The following AFF2 variants were observed in gnomAD, a reference collection of about 807,000 sequenced individuals.
AFF2 encodes the protein AF4/FMR2 family member 2.
In AFF2, 14 loss-of-function variants were observed where a neutral mutation model predicts 76.9. The observed-to-expected ratio is 0.18, with a 90% CI of 0.12 to 0.28. The LOEUF (loss-of-function observed/expected upper bound fraction) is 0.28. Among genes scored for constraint, AFF2 ranks in the 10% least tolerant of loss-of-function variants. The pLI, the probability that AFF2 is intolerant of heterozygous loss-of-function variation, is 1.00. For missense variants in AFF2, 868 were observed against 1,001.1 expected (o/e 0.87, Z 1.79); for synonymous variants, 398 against 366.7 (o/e 1.09, Z -0.98).
At chrX:148,984,471 A>G (rs1236189870) in intron 19 of AFF2, among the ~76,000 whole-genome samples, 2 of 112,104 alleles carry the variant, frequency 1.8e-5, no homozygotes, top group Non-Finnish European at 3.8e-5. Context: ...GTTGGAGAGC[A>G]CACTGAAGTG....
rs781984673 is a variant in AFF2 at position 148,991,520 on chromosome X, G to A, written c.*188G>A. The A allele has an allele frequency of 2.9e-5, 12 of 417,097 alleles. No homozygotes were observed. Among genetic ancestry groups the A allele is most frequent in the Admixed American group, 2.2e-4 (4 of 17,858 alleles). 34.4% of individuals were successfully genotyped at this position (417,097 alleles called of 1,213,427 possible). Reference sequence around the variant, plus strand: ...ACACTACAACTTAAGGGCAGTGTACGTTTTATTACTTAGTCATTTTTTTTC... The same window carrying A: ...ACACTACAACTTAAGGGCAGTGTACATTTTATTACTTAGTCATTTTTTTTC... On this transcript the variant is annotated 3_prime_UTR_variant, in exon 21 of 21. Coordinates refer to ENST00000370460, the MANE Select transcript of AFF2 (RefSeq NM_002025.4).
chrX:148,787,443 A>G (rs781970608), intron 3 of AFF2, among the ~76,000 whole-genome samples: 78 of 112,264 alleles, frequency 6.9e-4, no homozygotes, highest in African/African-American at 2.5e-3. Context: ...AAATTTGTCT[A>G]TTAAACTTCA....
chrX:148,580,296 G>T, intron 1 of AFF2, among the ~76,000 whole-genome samples: 1 of 111,374 alleles, frequency 9.0e-6, no homozygotes, highest in Non-Finnish European at 1.9e-5. Context: ...GCTTCTAGGA[G>T]GCTCTTAGGG....
intron 7 of AFF2, among the ~76,000 whole-genome samples, chrX:148,848,619 G>C (rs1007883306): frequency 8.9e-6 from 1 of 112,190 alleles, no homozygotes; most frequent in African/African-American, 3.2e-5. Context: ...ACTGTGTAAT[G>C]GGGCAAGGAA....
chrX:148,870,822 G>A (rs782809815), intron 7 of AFF2, among the ~76,000 whole-genome samples: 1 of 111,852 alleles, frequency 8.9e-6, no homozygotes, highest in South Asian at 3.8e-4. Flanking sequence ...AACTAAGGGG[G>A]CAACTGAATA....
Position 148,761,464 on chromosome X carries a change from T to G in AFF2, c.1042-48412T>G, listed in dbSNP as rs868967976. Among the ~76,000 whole-genome samples the G allele has an allele frequency of 5.9e-3, 571 of 96,908 alleles. 6 individuals carry two copies. Among genetic ancestry groups the G allele is most frequent in the African/African-American group, 0.025 (554 of 22,203 alleles). The allele number at this position is 96,908 out of a possible 115,157, so 84.2% of individuals were successfully genotyped here. On this transcript the variant is annotated intron_variant, in intron 3 of 20. Coordinates refer to ENST00000370460, the MANE Select transcript of AFF2 (RefSeq NM_002025.4). ...ATCACTCAACTGTCCTCCAGTTTTT[T>G]TTGTTTTTTTTTTTTTTTCATAAAA...
intron 3 of AFF2, among the ~76,000 whole-genome samples, chrX:148,671,718 T>C (rs1279715908): frequency 1.8e-5 from 2 of 111,013 alleles, no homozygotes; most frequent in Non-Finnish European, 3.8e-5. Flanking sequence ...AGACTCAAAT[T>C]GGATCTTTTT....
At chrX:148,617,346 G>C (rs1355105126) in intron 1 of AFF2, among the ~76,000 whole-genome samples, 14 of 112,237 alleles carry the variant, frequency 1.2e-4, no homozygotes, top group African/African-American at 4.2e-4. Context: ...ATTTTTTCAT[G>C]TGTTTTTTGG....
chrX:148,822,765 T>G (rs1414995681), intron 4 of AFF2, among the ~76,000 whole-genome samples: 3 of 107,945 alleles, frequency 2.8e-5, no homozygotes, highest in African/African-American at 1.0e-4. Context: ...GTTGCTTCCA[T>G]TAAACACTCC....
intron 1 of AFF2, among the ~76,000 whole-genome samples, chrX:148,504,640 G>A (rs2052387795): frequency 1.8e-5 from 2 of 113,230 alleles, no homozygotes; most frequent in African/African-American, 6.4e-5. Context: ...TGCCGGCCAG[G>A]CCTCTCCTCC....
chrX:148,855,994 C>A (rs1367405730), intron 7 of AFF2, among the ~76,000 whole-genome samples: 2 of 111,560 alleles, frequency 1.8e-5, no homozygotes, highest in Non-Finnish European at 3.8e-5. Flanking sequence ...AATCTTCAGT[C>A]ACTTGGGAAG....
chrX:148,581,334 G>A (rs1202384211), intron 1 of AFF2, among the ~76,000 whole-genome samples: 41 of 200 alleles, frequency 0.2, 6 homozygotes, highest in Admixed American at 0.6. Context: ...ACATATATAC[G>A]TATACGTATA....
chrX:148,522,815 C>T (rs1176038407), intron 1 of AFF2, among the ~76,000 whole-genome samples: 3 of 112,297 alleles, frequency 2.7e-5, no homozygotes, highest in African/African-American at 9.7e-5. Flanking sequence ...CATATTTATA[C>T]GTTCATTTCT....
intron 1 of AFF2, among the ~76,000 whole-genome samples, chrX:148,520,280 C>G (rs782396161): frequency 4.4e-5 from 5 of 112,366 alleles, no homozygotes; most frequent in African/African-American, 6.5e-5. Flanking sequence ...TTTGTAAGAG[C>G]ATTTGATGTT....
At chrX:148,598,519 G>T (rs1392167819) in intron 1 of AFF2, among the ~76,000 whole-genome samples, 1 of 112,314 alleles carries the variant, frequency 8.9e-6, no homozygotes, top group African/African-American at 3.2e-5. Flanking sequence ...AGGCACTAGC[G>T]TTCTCCTATC....
chrX:148,531,383 G>A (rs1407243241), intron 1 of AFF2, among the ~76,000 whole-genome samples: 2 of 112,486 alleles, frequency 1.8e-5, no homozygotes, highest in Non-Finnish European at 3.8e-5. Flanking sequence ...TCATTTCATA[G>A]AAGATACAGT....
chrX:148,977,614 GACACACACACACAC>G (rs140911348), intron 16 of AFF2, among the ~76,000 whole-genome samples: 964 of 92,728 alleles, frequency 0.01, 6 homozygotes, highest in South Asian at 0.021. Context: ...CCAGCATTTA[GACACACACACACAC>G]ACACACACAC....
chrX:148,963,070 T>A, intron 13 of AFF2, 133 bp downstream of exon 13: 1 of 464,875 alleles, frequency 2.2e-6, no homozygotes, highest in South Asian at 3.4e-5. Flanking sequence ...GGCCTGTGTA[T>A]ACAAATACAC....
At chrX:148,522,128 AT>A (rs1208928249) in intron 1 of AFF2, among the ~76,000 whole-genome samples, 1 of 112,543 alleles carries the variant, frequency 8.9e-6, no homozygotes, top group Non-Finnish European at 1.9e-5. Context: ...AAAAGTTCTG[AT>A]GCAAAATAGT....
Sources: gnomAD v4.1 joint callset for allele counts (sites outside exome capture counted in the v4.1 genomes callset) on GRCh38, gnomAD v4.1.1 for gene constraint, MANE v1.5 for transcripts, NCBI Gene and HGNC (gene_info 2026-07-23, HGNC 2026-07-21) for gene names.